The following LRP1B variants were observed in gnomAD, a reference collection of about 807,000 sequenced individuals.
LRP1B encodes the protein low-density lipoprotein receptor-related protein 1B.
In LRP1B, 217 loss-of-function variants were observed where a neutral mutation model predicts 556.6. The ratio of observed to expected loss-of-function variants is 0.39; its 90% CI spans 0.35 to 0.44. The LOEUF is 0.44. LRP1B is among the 20% of genes least tolerant of loss of function. LRP1B has a pLI of 1.00. For missense variants in LRP1B, 5,053 were observed against 5,620.8 expected (o/e 0.90, Z 3.23); for synonymous variants, 2,047 against 1,865.8 (o/e 1.10, Z -2.50).
intron 41 of LRP1B, among the ~76,000 whole-genome samples, chr2:140,699,279 C>G (rs141859553): frequency 2.1e-4 from 32 of 152,016 alleles, no homozygotes; most frequent in Non-Finnish European, 2.2e-4. Flanking sequence ...AAAATAAAAG[C>G]TTTGCAATAC....
chr2:140,467,333 G>A (rs1687586127), intron 60 of LRP1B, among the ~76,000 whole-genome samples: 1 of 152,096 alleles, frequency 6.6e-6, no homozygotes, highest in Admixed American at 6.5e-5. Flanking sequence ...GCCTGGTGCA[G>A]TGGCTCATGC....
intron 3 of LRP1B, 111 bp from the exon 4 acceptor site, chr2:141,254,752 T>C: frequency 1.3e-6 from 1 of 779,054 alleles, no homozygotes; most frequent in East Asian, 3.1e-5. Flanking sequence ...CCCAGAAAGT[T>C]TATATGATTG....
intron 35 of LRP1B, among the ~76,000 whole-genome samples, chr2:140,727,655 G>A (rs1559080423): frequency 6.6e-6 from 1 of 152,182 alleles, no homozygotes; most frequent in African/African-American, 2.4e-5. Context: ...AGAATAGCAG[G>A]AGGGGACAAC....
At chr2:141,537,954 C>A (rs571563518) in intron 2 of LRP1B, among the ~76,000 whole-genome samples, 3 of 152,266 alleles carry the variant, frequency 2.0e-5, no homozygotes, top group African/African-American at 7.2e-5. Context: ...CCGCTCCCAA[C>A]CACAAAAACC....
At chr2:141,476,953 A>G (rs1046497539) in intron 3 of LRP1B, among the ~76,000 whole-genome samples, 2 of 152,028 alleles carry the variant, frequency 1.3e-5, no homozygotes, top group African/African-American at 4.8e-5. Flanking sequence ...GAGAAACTCC[A>G]TTTCTACCAA....
intron 2 of LRP1B, among the ~76,000 whole-genome samples, chr2:141,752,466 A>G (rs1352470777): frequency 6.6e-6 from 1 of 152,116 alleles, no homozygotes; most frequent in Non-Finnish European, 1.5e-5. Flanking sequence ...TCTTTTGGGT[A>G]CCACTACCTA....
At chr2:142,059,521 C>T (rs1009080494) in intron 1 of LRP1B, among the ~76,000 whole-genome samples, 6 of 130,444 alleles carry the variant, frequency 4.6e-5, no homozygotes, top group Non-Finnish European at 1.0e-4. Flanking sequence ...CCTAATCCTG[C>T]AAAAGAACCA....
chr2:140,929,993 C>T (rs1695003290), intron 20 of LRP1B, among the ~76,000 whole-genome samples: 1 of 152,056 alleles, frequency 6.6e-6, no homozygotes, highest in Non-Finnish European at 1.5e-5. Context: ...CTTCTGTTAA[C>T]TGTTGTTGAT....
chr2:141,779,795 A>G (rs1695192888), intron 2 of LRP1B, among the ~76,000 whole-genome samples: 1 of 152,070 alleles, frequency 6.6e-6, no homozygotes, highest in Non-Finnish European at 1.5e-5. Context: ...CACAGCTAGT[A>G]TATAAAGATA....
At chr2:140,877,245 A>T (rs1393016878) in intron 25 of LRP1B, among the ~76,000 whole-genome samples, 2 of 152,168 alleles carry the variant, frequency 1.3e-5, no homozygotes, top group African/African-American at 2.4e-5. Flanking sequence ...CTTCAGAGTA[A>T]TGTGGCCTAT....
chr2:140,981,512 A>G (rs1696768658), intron 18 of LRP1B, among the ~76,000 whole-genome samples: 1 of 152,142 alleles, frequency 6.6e-6, no homozygotes, highest in Non-Finnish European at 1.5e-5. Context: ...ACAAATGGTA[A>G]CGAAACATAC....
intron 3 of LRP1B, among the ~76,000 whole-genome samples, chr2:141,418,432 A>ATTTTTT (rs373970330): frequency 1.3e-4 from 19 of 140,914 alleles, no homozygotes; most frequent in African/African-American, 3.1e-4. Flanking sequence ...AGAGCACAAT[A>ATTTTTT]TTTTTTTTTT....
rs1316482790 is a variant in LRP1B at position 141,960,964 on chromosome 2, A to G, written c.83-150563T>C. 3.3e-5 allele frequency among the ~76,000 whole-genome samples: 5 copies of G among 151,760 alleles called. No individual in the cohort carries two copies. The South Asian group carries it at 6.2e-4, about 19-fold the overall frequency. Reference sequence around the variant, plus strand: ...AACTTGAATCAGCTCAGCTTTTTTTATTAAATTTAAACTCAAATTTCCAAT... The same window carrying G: ...AACTTGAATCAGCTCAGCTTTTTTTGTTAAATTTAAACTCAAATTTCCAAT... On this transcript the variant is annotated intron_variant, in intron 1 of 90. Coordinates refer to ENST00000389484, the MANE Select transcript of LRP1B (RefSeq NM_018557.3).
intron 57 of LRP1B, among the ~76,000 whole-genome samples, chr2:140,488,034 C>A (rs1688546255): frequency 6.6e-6 from 1 of 151,810 alleles, no homozygotes. Context: ...AAAATAACTT[C>A]TTTTAAGGAG....
chr2:141,433,203 C>T (rs7585623), intron 3 of LRP1B, among the ~76,000 whole-genome samples: 43,015 of 151,628 alleles, frequency 0.28, 6,291 homozygotes, highest in South Asian at 0.37. Context: ...TCCAAATTTC[C>T]TTCTGTTATT....
chr2:140,323,190 A>AATTTCAGCCATATTATTATTTTTCACTT (rs1680250114), intron 81 of LRP1B, among the ~76,000 whole-genome samples: 3 of 152,006 alleles, frequency 2.0e-5, no homozygotes, highest in Non-Finnish European at 2.9e-5. Flanking sequence ...TGATCATTAG[A>AATTTCAGCCATATTATTATTTTTCACTT]ATTTCAGCCA....
At chr2:140,794,753 A>T (rs970063015) in intron 32 of LRP1B, among the ~76,000 whole-genome samples, 1 of 151,982 alleles carries the variant, frequency 6.6e-6, no homozygotes, top group African/African-American at 2.4e-5. Flanking sequence ...AGCTGGTATT[A>T]CAGGCATGAG....
At chr2:140,610,043 G>T (rs1683013238) in intron 41 of LRP1B, among the ~76,000 whole-genome samples, 1 of 140,406 alleles carries the variant, frequency 7.1e-6, no homozygotes, top group African/African-American at 2.6e-5. Context: ...TAAAAACTCA[G>T]GTTTGTTTTT....
chr2:140,986,923 C>T (rs1433045748), intron 17 of LRP1B, among the ~76,000 whole-genome samples: 1 of 152,162 alleles, frequency 6.6e-6, no homozygotes, highest in Admixed American at 6.6e-5. Context: ...CAAACAGCTA[C>T]AGGATGGCGG....
Sources: allele counts gnomAD v4.1 joint callset (sites outside exome capture counted in the v4.1 genomes callset), GRCh38; gene constraint gnomAD v4.1.1; transcripts MANE v1.5; gene names NCBI Gene and HGNC (gene_info 2026-07-23, HGNC 2026-07-21).